PIK3CD: variants seen among roughly 807,000 people sequenced by gnomAD.
The protein encoded by PIK3CD is phosphatidylinositol 4,5-bisphosphate 3-kinase catalytic subunit delta isoform.
In PIK3CD, 20 loss-of-function variants were observed where a neutral mutation model predicts 122.9. The observed-to-expected ratio is 0.16, with a 90% CI of 0.11 to 0.24. PIK3CD has a LOEUF of 0.24. PIK3CD is among the 10% of genes least tolerant of loss of function. PIK3CD has a pLI of 1.00. For synonymous variants in PIK3CD, 596 were observed against 593.4 expected (o/e 1.00, Z -0.06); for missense variants, 787 against 1,406.3 (o/e 0.56, Z 7.04).
intron 1 of PIK3CD, among the ~76,000 whole-genome samples, chr1:9,681,984 T>C (rs1645773074): frequency 6.6e-6 from 1 of 152,176 alleles, no homozygotes; most frequent in African/African-American, 2.4e-5. Context: ...GAGTTCTCTG[T>C]GATGAAATCT....
Position 9,704,818 on chromosome 1 carries a change from C to T in PIK3CD, c.-32-5606C>T, listed in dbSNP as rs1206605651. Among the ~76,000 whole-genome samples the T allele has an allele frequency of 6.6e-6, 1 of 152,202 alleles. No individual in the cohort carries two copies. Among genetic ancestry groups the T allele is most frequent in the Non-Finnish European group, 1.5e-5 (1 of 68,024 alleles). ...CGTGAGCCACCACGCCCAGCCGGTCCCCCAAGTTTTGAAACAAAAGGAAGA... is the reference window on the plus strand; with the variant it reads ...CGTGAGCCACCACGCCCAGCCGGTCTCCCAAGTTTTGAAACAAAAGGAAGA... On this transcript the variant is annotated intron_variant, in intron 2 of 23. Coordinates refer to ENST00000377346, the MANE Select transcript of PIK3CD (RefSeq NM_005026.5). The surrounding 1 kb of genome is among the most constrained non-coding windows in gnomAD (Gnocchi z 5.0).
chr1:9,646,944 C>CA (rs564896067), upstream of PIK3CD, among the ~76,000 whole-genome samples: 28,822 of 114,410 alleles, frequency 0.25, 3,910 homozygotes, highest in African/African-American at 0.44. Flanking sequence ...GACTCCATCT[C>CA]AAAAAAAAAA....
At chr1:9,695,024 C>G (rs962644086) in intron 2 of PIK3CD, among the ~76,000 whole-genome samples, 1 of 151,482 alleles carries the variant, frequency 6.6e-6, no homozygotes, top group African/African-American at 2.4e-5. Context: ...AAGACAGAGA[C>G]CCAAATGAAC....
chr1:9,637,119 G>A, the PIK3CD span, among the ~76,000 whole-genome samples: 78 of 152,120 alleles, frequency 5.1e-4, no homozygotes, highest in African/African-American at 1.8e-3. Context: ...GGATGGTCTC[G>A]ATCTCCTGAC....
the PIK3CD span, among the ~76,000 whole-genome samples, chr1:9,641,625 C>A: frequency 6.6e-6 from 1 of 152,174 alleles, no homozygotes; most frequent in Non-Finnish European, 1.5e-5. Context: ...CACCTGGCCA[C>A]CTCTGCGCTG....
At chr1:9,714,872 C>T (rs949968844) in intron 3 of PIK3CD, among the ~76,000 whole-genome samples, 1 of 152,204 alleles carries the variant, frequency 6.6e-6, no homozygotes, top group African/African-American at 2.4e-5. Flanking sequence ...TCGTTGCCAA[C>T]ATTTAAAAAT....
At chr1:9,636,027 C>A in the PIK3CD span, among the ~76,000 whole-genome samples, 2 of 152,208 alleles carry the variant, frequency 1.3e-5, no homozygotes, top group African/African-American at 4.8e-5. Context: ...TTTAATCTTA[C>A]ATTTATGTAT....
At chr1:9,674,051 G>A (rs750363424) in intron 1 of PIK3CD, among the ~76,000 whole-genome samples, 3 of 152,176 alleles carry the variant, frequency 2.0e-5, no homozygotes, top group Non-Finnish European at 2.9e-5. Flanking sequence ...GTAAGGGCAT[G>A]GAGAGCGCCA....
chr1:9,711,633 G>A (rs1308655620), intron 3 of PIK3CD, among the ~76,000 whole-genome samples: 1 of 151,924 alleles, frequency 6.6e-6, no homozygotes, highest in African/African-American at 2.4e-5. Context: ...GAGTGCAGTA[G>A]TGCGATCACA....
At chr1:9,658,942 A>G (rs1481363262) in intron 1 of PIK3CD, among the ~76,000 whole-genome samples, 2 of 152,198 alleles carry the variant, frequency 1.3e-5, no homozygotes, top group African/African-American at 2.4e-5. Context: ...ATCCTGTGTA[A>G]AGTGCCAGGC....
intron 1 of PIK3CD, chr1:9,654,471 C>T: frequency 1.3e-6 from 1 of 778,578 alleles, no homozygotes; most frequent in Non-Finnish European, 1.7e-6. Flanking sequence ...AGACAGTCCA[C>T]CAATGGTTGT....
intron 2 of PIK3CD, among the ~76,000 whole-genome samples, chr1:9,693,059 A>G (rs1646266119): frequency 6.6e-6 from 1 of 152,174 alleles, no homozygotes; most frequent in South Asian, 2.1e-4. Flanking sequence ...AAAAATAGGA[A>G]ATTAGTGTCA....
chr1:9,686,353 C>T (rs1300582225), intron 1 of PIK3CD, among the ~76,000 whole-genome samples: 1 of 150,998 alleles, frequency 6.6e-6, no homozygotes, highest in Non-Finnish European at 1.5e-5. Flanking sequence ...GCCACCATGC[C>T]AGGCTAATTT....
the PIK3CD span, among the ~76,000 whole-genome samples, chr1:9,638,515 G>C: frequency 6.6e-6 from 1 of 151,746 alleles, no homozygotes; most frequent in African/African-American, 2.4e-5. Context: ...GGCGGATCAC[G>C]AGGTCAGGAG....
chr1:9,630,317 G>A, the PIK3CD span, among the ~76,000 whole-genome samples: 1 of 152,250 alleles, frequency 6.6e-6, no homozygotes, highest in Admixed American at 6.5e-5. Context: ...TGAAGGGTGT[G>A]AAGGGGCTGT....
At chr1:9,671,704 C>G (rs758173156) in intron 1 of PIK3CD, among the ~76,000 whole-genome samples, 10 of 152,298 alleles carry the variant, frequency 6.6e-5, no homozygotes, top group Admixed American at 1.3e-4. Context: ...CCTCGGCCCC[C>G]CAAAGTGCTG....
At chr1:9,721,336 T>C in intron 14 of PIK3CD, 88 bp downstream of exon 14, 1 of 1,609,240 alleles carries the variant, frequency 6.2e-7, no homozygotes, top group Non-Finnish European at 8.5e-7. Flanking sequence ...GGCCTGAACC[T>C]TCCCGTGGGC....
rs1269924178 is a variant in PIK3CD at position 9,722,286 on chromosome 1, G to A, written c.2277G>A (p.Leu759=). The change falls in exon 18 of 24, where the codon CTG becomes CTA. Residue 759 remains leucine (L), a synonymous_variant. Transcript: ENST00000377346. The surrounding 1 kb of genome is among the most constrained non-coding windows in gnomAD (Gnocchi z 7.6). ...CTFMDSKMKP[L]WIMYSNEEAG... ...TCATGGACTCCAAGATGAAGCCCCT[G>A]TGGATCATGTACAGCAACGAGGAGG... is the stretch of plus-strand genomic sequence containing the variant. 2.5e-6 allele frequency: 4 copies of A among 1,613,818 alleles called. No homozygotes were observed. The African/African-American group carries it at 5.3e-5, about 22-fold the overall frequency.
At chr1:9,706,143 T>C (rs1646823501) in intron 2 of PIK3CD, among the ~76,000 whole-genome samples, 1 of 135,880 alleles carries the variant, frequency 7.4e-6, no homozygotes, top group Non-Finnish European at 1.5e-5. Flanking sequence ...TGCTTTGGCC[T>C]CCCAAAGTGC....
Sources: gnomAD v4.1 joint callset for allele counts (sites outside exome capture counted in the v4.1 genomes callset) on GRCh38, gnomAD v4.1.1 for gene constraint, Gnocchi (gnomAD v3.1) non-coding constraint, MANE v1.5 for transcripts, NCBI Gene and HGNC (gene_info 2026-07-23, HGNC 2026-07-21) for gene names.